Variants in HIBADH observed in about 807,000 individuals in gnomAD.
HIBADH encodes 3-hydroxyisobutyrate dehydrogenase, mitochondrial.
A neutral mutation model predicts 36.1 loss-of-function variants in HIBADH; 25 were observed. That is an observed-to-expected ratio of 0.69 (90% CI 0.50 to 0.97). HIBADH has a LOEUF of 0.97. Among genes scored for constraint, HIBADH ranks in the 50% least tolerant of loss-of-function variants. HIBADH has a pLI of 0.00. For synonymous variants in HIBADH, 160 were observed against 149.5 expected (o/e 1.07, Z -0.51); for missense variants, 421 against 418.0 (o/e 1.01, Z -0.06).
chr7:27,594,518 G>T (rs1253206126), intron 4 of HIBADH, among the ~76,000 whole-genome samples: 1 of 152,150 alleles, frequency 6.6e-6, no homozygotes, highest in Non-Finnish European at 1.5e-5. Flanking sequence ...TAAATAGAAA[G>T]ATTTAGTTGT....
intron 4 of HIBADH, among the ~76,000 whole-genome samples, chr7:27,558,333 T>G (rs1784422158): frequency 1.3e-5 from 2 of 152,170 alleles, no homozygotes; most frequent in Non-Finnish European, 2.9e-5. Context: ...CTGCTTATTT[T>G]CCATTTTTTG....
At chr7:27,660,740 A>G (rs1226764818) in intron 1 of HIBADH, among the ~76,000 whole-genome samples, 1 of 152,238 alleles carries the variant, frequency 6.6e-6, no homozygotes, top group Non-Finnish European at 1.5e-5. Context: ...AGAACTATTT[A>G]AAATTTATCA....
At chr7:27,562,948 ATG>A (rs1784489337) in intron 4 of HIBADH, among the ~76,000 whole-genome samples, 1 of 152,108 alleles carries the variant, frequency 6.6e-6, no homozygotes, top group African/African-American at 2.4e-5. Flanking sequence ...ATTAAATTTT[ATG>A]TGTGTGTAAA....
At chr7:27,609,457 C>T (rs1785287090) in intron 4 of HIBADH, among the ~76,000 whole-genome samples, 1 of 151,948 alleles carries the variant, frequency 6.6e-6, no homozygotes, top group South Asian at 2.1e-4. Flanking sequence ...GTAGAAAATC[C>T]CAGGCTAAAG....
chr7:27,628,745 T>A (rs1458718182), intron 4 of HIBADH, among the ~76,000 whole-genome samples: 10 of 152,126 alleles, frequency 6.6e-5, no homozygotes, highest in Admixed American at 5.9e-4. Flanking sequence ...TCATACATGG[T>A]TGGATTCAGT....
At chr7:27,643,055 T>C (rs1219643520) in intron 2 of HIBADH, among the ~76,000 whole-genome samples, 2 of 152,250 alleles carry the variant, frequency 1.3e-5, no homozygotes, top group Non-Finnish European at 2.9e-5. Context: ...TTTAGACTTA[T>C]CACAATTTGG....
At chr7:27,541,557 A>G (rs941738625) in intron 5 of HIBADH, among the ~76,000 whole-genome samples, 1 of 152,216 alleles carries the variant, frequency 6.6e-6, no homozygotes, top group South Asian at 2.1e-4. Context: ...CTTTGTTTAC[A>G]ATGGTCCTTA....
At chr7:27,608,530 T>C (rs1785270070) in intron 4 of HIBADH, among the ~76,000 whole-genome samples, 1 of 151,884 alleles carries the variant, frequency 6.6e-6, no homozygotes. Flanking sequence ...TTCAAATAAG[T>C]CTGATAAGGT....
intron 7 of HIBADH, among the ~76,000 whole-genome samples, chr7:27,529,742 G>A (rs1306382800): frequency 6.6e-6 from 1 of 152,192 alleles, no homozygotes; most frequent in Non-Finnish European, 1.5e-5. Flanking sequence ...GATTGCCTCC[G>A]TTTTTGAAAG....
intron 2 of HIBADH, among the ~76,000 whole-genome samples, chr7:27,644,147 T>C (rs2128296212): frequency 6.6e-6 from 1 of 152,238 alleles, no homozygotes; most frequent in Non-Finnish European, 1.5e-5. Flanking sequence ...GCAACCATGA[T>C]GACAATCAAT....
chr7:27,632,228 C>A, intron 3 of HIBADH, 108 bp downstream of exon 3: 1 of 719,756 alleles, frequency 1.4e-6, no homozygotes, highest in Non-Finnish European at 2.3e-6. Flanking sequence ...GAAATAAAAA[C>A]AGTATAGAAA....
chr7:27,600,232 C>CA (rs1480906062), intron 4 of HIBADH, among the ~76,000 whole-genome samples: 1 of 151,746 alleles, frequency 6.6e-6, no homozygotes, highest in African/African-American at 2.4e-5. Flanking sequence ...CCTCTATCTT[C>CA]AAAAAACACA....
At chr7:27,606,262 G>A (rs146240734) in intron 4 of HIBADH, among the ~76,000 whole-genome samples, 85 of 152,120 alleles carry the variant, frequency 5.6e-4, no homozygotes, top group African/African-American at 1.9e-3. Flanking sequence ...GGTGTGTTTT[G>A]GTGACCTTTT....
intron 2 of HIBADH, among the ~76,000 whole-genome samples, chr7:27,639,782 G>A (rs1785927421): frequency 6.6e-6 from 1 of 152,012 alleles, no homozygotes; most frequent in Non-Finnish European, 1.5e-5. Context: ...TTATGAAAAT[G>A]ACCACAAATA....
rs1409502843 is a variant in HIBADH at position 27,645,381 on chromosome 7, T to G, written c.252+4092A>C. Among the ~76,000 whole-genome samples the G allele has an allele frequency of 9.3e-5, 12 of 129,394 alleles. 1 individual carries two copies. Among genetic ancestry groups the G allele is most frequent in the South Asian group, 2.6e-4 (1 of 3,852 alleles). The allele number at this position is 129,394 out of a possible 152,430, so 84.9% of individuals were successfully genotyped here. On this transcript the variant is annotated intron_variant, in intron 2 of 7. Coordinates refer to ENST00000265395, the MANE Select transcript of HIBADH (RefSeq NM_152740.4). ...CTCATGGTTTTGATTTTTTTTTTTT[T>G]TTTTTTTTTTTTTTGAGACAGAGTC...
At position 27,578,601 on chromosome 7, in the gene HIBADH, G is replaced by A. The variant is rs1000287252; in HGVS notation, c.485-35501C>T. On this transcript the variant is annotated intron_variant, in intron 4 of 7. Coordinates refer to ENST00000265395, the MANE Select transcript of HIBADH (RefSeq NM_152740.4). ...TGAAGTGCCAGGATTACAGATGTGAGCCACCGCGCCCAGCCAAATTCTTAC... is the reference window on the plus strand; with the variant it reads ...TGAAGTGCCAGGATTACAGATGTGAACCACCGCGCCCAGCCAAATTCTTAC... 4.6e-5 allele frequency among the ~76,000 whole-genome samples: 7 copies of A among 151,930 alleles called. No individual in the cohort carries two copies. In the East Asian group the frequency reaches 1.3e-3, roughly 29 times the overall value.
chr7:27,576,436 T>C (rs980597925), intron 4 of HIBADH, among the ~76,000 whole-genome samples: 2 of 152,230 alleles, frequency 1.3e-5, no homozygotes, highest in Admixed American at 6.5e-5. Context: ...TAACTTGTCA[T>C]TGAATGATTA....
chr7:27,625,514 G>A (rs929268761), intron 4 of HIBADH, among the ~76,000 whole-genome samples: 1 of 151,984 alleles, frequency 6.6e-6, no homozygotes, highest in Non-Finnish European at 1.5e-5. Flanking sequence ...TAAAATTCAG[G>A]ATGCTGGTTA....
chr7:27,623,916 G>C (rs1250307186), intron 4 of HIBADH, among the ~76,000 whole-genome samples: 1 of 152,174 alleles, frequency 6.6e-6, no homozygotes, highest in African/African-American at 2.4e-5. Context: ...TCCCGCCTCA[G>C]CCTACCAAGT....
Sources: gnomAD v4.1 joint callset for allele counts (sites outside exome capture counted in the v4.1 genomes callset) on GRCh38, gnomAD v4.1.1 for gene constraint, MANE v1.5 for transcripts, NCBI Gene and HGNC (gene_info 2026-07-23, HGNC 2026-07-21) for gene names.